TRAPPC10: variants seen among roughly 807,000 people sequenced by gnomAD.
TRAPPC10 encodes the protein trafficking protein particle complex subunit 10.
TRAPPC10 carries 23 observed loss-of-function variants against 125.5 expected under a neutral mutation model. That is an observed-to-expected ratio of 0.18 (90% CI 0.13 to 0.26). The LOEUF is 0.26. Among genes scored for constraint, TRAPPC10 ranks in the 10% least tolerant of loss-of-function variants. The pLI is 1.00. For synonymous variants in TRAPPC10, 509 were observed against 518.0 expected (o/e 0.98, Z 0.24); for missense variants, 1,123 against 1,308.4 (o/e 0.86, Z 2.19).
At chr21:44,043,781 G>C (rs180893408) in intron 3 of TRAPPC10, among the ~76,000 whole-genome samples, 3 of 152,106 alleles carry the variant, frequency 2.0e-5, no homozygotes, top group African/African-American at 7.2e-5. Flanking sequence ...AAAAGATAAC[G>C]TGCCTTCTGC....
intron 1 of TRAPPC10, among the ~76,000 whole-genome samples, chr21:44,019,927 GT>G (rs2032308847): frequency 6.6e-6 from 1 of 152,222 alleles, no homozygotes; most frequent in African/African-American, 2.4e-5. Flanking sequence ...GGTTCTAGAT[GT>G]GGTTACAAGG....
rs572111813 is a variant in TRAPPC10, at chr21:44,090,869, A to G, written c.2870+936A>G. Reference sequence around the variant, plus strand: ...ACTGTAGATATTAATAGTTAAAAACATCAATAATCTCTAAAAGAACCTTAT... The same window carrying G: ...ACTGTAGATATTAATAGTTAAAAACGTCAATAATCTCTAAAAGAACCTTAT... On this transcript the variant is annotated intron_variant, in intron 18 of 22. Transcript: ENST00000291574. Among the ~76,000 whole-genome samples, 9 of 152,368 alleles carry G rather than the reference A, an allele frequency of 5.9e-5. No individual in the cohort carries two copies. In the South Asian group the frequency reaches 1.0e-3, roughly 18 times the overall value.
At position 44,087,539 on chromosome 21, in the gene TRAPPC10, G is replaced by C. The variant is rs1297045895; in HGVS notation, c.2540-160G>C. Among the ~76,000 whole-genome samples, 1 of 152,086 alleles carries C rather than the reference G, an allele frequency of 6.6e-6. No homozygotes were observed. Among genetic ancestry groups the C allele is most frequent in the Non-Finnish European group, 1.5e-5 (1 of 68,002 alleles). On this transcript the variant is annotated intron_variant, in intron 16 of 22. Transcript: ENST00000291574. This position sits in a 1 kb window ranked among gnomAD's most constrained non-coding sequence, Gnocchi z 4.6. ...TGCCTGCCGGCTTTCACACAGGGCT[G>C]CTCTGTCCTAGGGGCCTTGTTCTTG...
At chr21:44,029,283 A>G (rs2033363404) in intron 1 of TRAPPC10, among the ~76,000 whole-genome samples, 3 of 152,010 alleles carry the variant, frequency 2.0e-5, no homozygotes, top group Admixed American at 2.0e-4. Context: ...TTTAGTAGAG[A>G]CGGGGTTTCA....
chr21:44,023,688 G>A (rs565994646), intron 1 of TRAPPC10, among the ~76,000 whole-genome samples: 21 of 152,342 alleles, frequency 1.4e-4, no homozygotes, highest in African/African-American at 5.1e-4. Context: ...CAAGACCATA[G>A]TCTGCAAGCT....
At chr21:44,077,055 C>T (rs1909586644) in intron 10 of TRAPPC10, among the ~76,000 whole-genome samples, 1 of 152,146 alleles carries the variant, frequency 6.6e-6, no homozygotes, top group Non-Finnish European at 1.5e-5. Context: ...TCATGGGCAA[C>T]TTGAGCGTTT....
chr21:44,064,343 G>A (rs958962667), intron 7 of TRAPPC10, among the ~76,000 whole-genome samples: 6 of 151,190 alleles, frequency 4.0e-5, no homozygotes, highest in African/African-American at 1.5e-4. Flanking sequence ...GTGTGTGAGT[G>A]TGAGAATGTA....
chr21:44,029,598 G>A (rs2033394607), intron 1 of TRAPPC10, among the ~76,000 whole-genome samples: 1 of 152,314 alleles, frequency 6.6e-6, no homozygotes, highest in South Asian at 2.1e-4. Flanking sequence ...CTGGGGCACT[G>A]TCTTGGTGTG....
intron 1 of TRAPPC10, among the ~76,000 whole-genome samples, chr21:44,021,943 C>A (rs1025809131): frequency 2.9e-4 from 44 of 151,836 alleles, no homozygotes; most frequent in Non-Finnish European, 5.3e-4. Flanking sequence ...AAATACATTG[C>A]GATTTTTTTT....
intron 2 of TRAPPC10, among the ~76,000 whole-genome samples, chr21:44,032,618 C>T (rs921134862): frequency 2.0e-5 from 3 of 152,260 alleles, no homozygotes; most frequent in South Asian, 2.1e-4. Context: ...CTGACCTCAA[C>T]TGACCCGCCC....
intron 19 of TRAPPC10, among the ~76,000 whole-genome samples, chr21:44,093,324 A>G (rs2038710645): frequency 6.6e-6 from 1 of 151,954 alleles, no homozygotes; most frequent in Non-Finnish European, 1.5e-5. Context: ...GCATGGTGGC[A>G]CACACCTGGA....
At chr21:44,014,758 A>G (rs2031625437) in intron 1 of TRAPPC10, among the ~76,000 whole-genome samples, 1 of 152,092 alleles carries the variant, frequency 6.6e-6, no homozygotes, top group Admixed American at 6.5e-5. Context: ...TAATCTCTGC[A>G]TGGATGGTAC....
At chr21:44,079,486 C>CA (rs1336991717) in intron 11 of TRAPPC10, 78 bp from the exon 12 acceptor site, 1 of 1,506,238 alleles carries the variant, frequency 6.6e-7, no homozygotes, top group Admixed American at 2.5e-5. Flanking sequence ...GGATGGAGGC[C>CA]AAAGCGGGAG....
rs977275307 is a variant in TRAPPC10, at chr21:44,087,766, T to G, written c.2607T>G (p.Val869=). Reference sequence around the variant, plus strand: ...AGGTCACGAGCATCAGTCTGCCTGTTGCGCCTGCGTACCACGTGATCGAAT... The same window carrying G: ...AGGTCACGAGCATCAGTCTGCCTGTGGCGCCTGCGTACCACGTGATCGAAT... The part of the protein sequence containing the change: ...SDKVTSISLP[V]APAYHVIEFE... Residue 869 remains valine, a synonymous_variant, in exon 17 of 23, where the codon GTT becomes GTG. Coordinates refer to ENST00000291574, the MANE Select transcript of TRAPPC10 (RefSeq NM_003274.5). This position sits in a 1 kb window ranked among gnomAD's most constrained non-coding sequence, Gnocchi z 4.6. 1 of 1,614,226 alleles carries G rather than the reference T, an allele frequency of 6.2e-7. No homozygotes were observed. The highest frequency in any genetic ancestry group is 8.5e-7 in the Non-Finnish European group (1 of 1,180,042).
chr21:44,076,773 T>C (rs2037315123), intron 10 of TRAPPC10, 145 bp downstream of exon 10: 1 of 618,446 alleles, frequency 1.6e-6, no homozygotes, highest in Non-Finnish European at 2.8e-6. Flanking sequence ...ACCTGGGGAG[T>C]TGTGGACAAA....
At position 44,083,283 on chromosome 21, in the gene TRAPPC10, A is replaced by C; in HGVS notation, c.2219A>C (p.Gln740Pro). The C allele has an allele frequency of 6.2e-7, 1 of 1,613,922 alleles. No individual in the cohort carries two copies. The highest frequency in any genetic ancestry group is 8.5e-7 in the Non-Finnish European group (1 of 1,179,926). ...GTGACCCTGGAACCAGGGGCCAACC[A>C]GATAACATTCAGGACTCAGGTATGC... ...SHVTLEPGAN[Q>P]ITFRTQAKEP... Residue 740 changes from glutamine to proline, a missense_variant, in exon 14 of 23, where the codon CAG (glutamine) becomes CCG (proline). By Grantham distance (76) the Gln-to-Pro change is moderately conservative (BLOSUM62 -1). Coordinates refer to ENST00000291574, the MANE Select transcript of TRAPPC10 (RefSeq NM_003274.5).
chr21:44,078,895 ATGATCACACCACTGTATTCCAGCC>A (rs1168367536), intron 11 of TRAPPC10, among the ~76,000 whole-genome samples: 1 of 152,234 alleles, frequency 6.6e-6, no homozygotes, highest in Non-Finnish European at 1.5e-5. Context: ...GCAGTGAGCT[ATGATCACACCACTGTATTCCAGCC>A]TGAGTGACAG....
chr21:44,079,960 TC>T (rs373094068), intron 12 of TRAPPC10, 54 bp from the exon 13 acceptor site: 130 of 1,489,622 alleles, frequency 8.7e-5, no homozygotes, highest in Non-Finnish European at 1.1e-4. Flanking sequence ...TGCATCCACT[TC>T]CCCCCGCACT....
chr21:44,058,334 C>G (rs952628254), intron 5 of TRAPPC10, among the ~76,000 whole-genome samples: 1 of 149,960 alleles, frequency 6.7e-6, no homozygotes, highest in Non-Finnish European at 1.5e-5. Flanking sequence ...CTGCCACGCA[C>G]ACGTGAGCAG....
Sources: gnomAD v4.1 joint callset for allele counts (sites outside exome capture counted in the v4.1 genomes callset) on GRCh38, gnomAD v4.1.1 for gene constraint, Gnocchi (gnomAD v3.1) non-coding constraint, MANE v1.5 for transcripts, NCBI Gene and HGNC (gene_info 2026-07-23, HGNC 2026-07-21) for gene names.